TSHR: variants seen among roughly 807,000 people sequenced by gnomAD.
The protein encoded by TSHR is thyrotropin receptor.
A neutral mutation model predicts 64.1 loss-of-function variants in TSHR; 51 were observed. The observed-to-expected ratio is 0.80, with a 90% CI of 0.64 to 1.01. The LOEUF is 1.01. Among genes scored for constraint, TSHR ranks in the 50% least tolerant of loss-of-function variants. The pLI, the probability that TSHR is intolerant of heterozygous loss-of-function variation, is 0.00. For synonymous variants in TSHR, 361 were observed against 361.9 expected (o/e 1.00, Z 0.03); for missense variants, 877 against 942.8 (o/e 0.93, Z 0.91).
chr14:81,066,583 C>T (rs1475258843), intron 2 of TSHR, among the ~76,000 whole-genome samples: 1 of 152,208 alleles, frequency 6.6e-6, no homozygotes, highest in Non-Finnish European at 1.5e-5. Context: ...ACAATCAGCA[C>T]TCCTCTTGTA....
intron 1 of TSHR, among the ~76,000 whole-genome samples, chr14:80,960,050 G>A (rs549011341): frequency 6.6e-6 from 1 of 152,226 alleles, no homozygotes; most frequent in Non-Finnish European, 1.5e-5. Flanking sequence ...GCCTACAGCT[G>A]CCTTCTCTTT....
intron 1 of TSHR, among the ~76,000 whole-genome samples, chr14:80,971,035 G>C (rs1226450295): frequency 2.0e-5 from 3 of 152,112 alleles, no homozygotes; most frequent in East Asian, 3.9e-4. Context: ...GGGTGGCCAG[G>C]TTGGTCTTGA....
chr14:81,021,293 G>T (rs1883736824), intron 1 of TSHR, among the ~76,000 whole-genome samples: 1 of 152,010 alleles, frequency 6.6e-6, no homozygotes, highest in Non-Finnish European at 1.5e-5. Context: ...CTCTGCTTAA[G>T]TGTTCCCTCC....
chr14:81,053,557 T>C (rs1885557191), intron 1 of TSHR: 1 of 152,180 alleles, frequency 6.6e-6, no homozygotes, highest in African/African-American at 2.4e-5. Context: ...GTTAAAACAC[T>C]GATAACACCA....
At chr14:81,065,106 G>T (rs1167218984) in intron 2 of TSHR, among the ~76,000 whole-genome samples, 3 of 152,070 alleles carry the variant, frequency 2.0e-5, no homozygotes, top group Non-Finnish European at 4.4e-5. Flanking sequence ...TCTCAGCAAA[G>T]CGAGAGTCCT....
chr14:80,955,940 G>T, intron 1 of TSHR, 90 bp downstream of exon 1: 1 of 1,495,508 alleles, frequency 6.7e-7, no homozygotes. Context: ...CTCAATAACA[G>T]CCCGAAGTAG....
chr14:81,002,781 C>CTTTTTTTTTTTTTTTTTT (rs1174635270), intron 1 of TSHR, among the ~76,000 whole-genome samples: 8 of 44,324 alleles, frequency 1.8e-4, no homozygotes, highest in Non-Finnish European at 2.0e-4. Context: ...CCTAATGCCT[C>CTTTTTTTTTTTTTTTTTT]TTTTTTTTTT....
At chr14:81,053,476 C>G (rs1885552564) in intron 1 of TSHR, 1 of 152,184 alleles carries the variant, frequency 6.6e-6, no homozygotes, top group Non-Finnish European at 1.5e-5. Context: ...TGCATTTCTC[C>G]AAATCCTTTA....
chr14:81,139,169 C>T (rs1891577088), intron 8 of TSHR, among the ~76,000 whole-genome samples: 1 of 152,108 alleles, frequency 6.6e-6, no homozygotes, highest in Non-Finnish European at 1.5e-5. Flanking sequence ...TCATGAATTC[C>T]CAATGTAACT....
At chr14:80,956,003 T>C in intron 1 of TSHR, 153 bp downstream of exon 1, 1 of 928,578 alleles carries the variant, frequency 1.1e-6, no homozygotes, top group Non-Finnish European at 1.7e-6. Flanking sequence ...GATGTGTGTG[T>C]GTGCTAAAAA....
chr14:81,064,882 G>A (rs1411927515), intron 2 of TSHR, among the ~76,000 whole-genome samples: 4 of 151,974 alleles, frequency 2.6e-5, no homozygotes, highest in Non-Finnish European at 5.9e-5. Context: ...AGAGGCAGGA[G>A]GGGATGAGAT....
intron 8 of TSHR, among the ~76,000 whole-genome samples, chr14:81,110,486 T>C (rs1890179203): frequency 6.6e-6 from 1 of 152,226 alleles, no homozygotes; most frequent in Non-Finnish European, 1.5e-5. Context: ...TTGCTGACAC[T>C]TTGATCTTGG....
At chr14:81,135,809 C>T (rs1891432725) in intron 8 of TSHR, among the ~76,000 whole-genome samples, 1 of 152,128 alleles carries the variant, frequency 6.6e-6, no homozygotes. Flanking sequence ...AGAGGAGCTC[C>T]TACCTTTCTG....
chr14:80,979,739 A>T (rs1414149049), intron 1 of TSHR, among the ~76,000 whole-genome samples: 1 of 152,182 alleles, frequency 6.6e-6, no homozygotes, highest in Admixed American at 6.5e-5. Flanking sequence ...CTTTCTTCTC[A>T]CTCATCCCTA....
intron 4 of TSHR, 31 bp downstream of exon 4, chr14:81,088,059 T>A: frequency 6.5e-7 from 1 of 1,538,120 alleles, no homozygotes; most frequent in South Asian, 1.1e-5. Context: ...CATCCTACTT[T>A]TCTGGGGGGA....
At chr14:81,026,972 G>T (rs540953176) in intron 1 of TSHR, among the ~76,000 whole-genome samples, 1 of 150,268 alleles carries the variant, frequency 6.7e-6, no homozygotes, top group Non-Finnish European at 1.5e-5. Flanking sequence ...GGAGGCGGAG[G>T]TTGCAGTGAG....
intron 1 of TSHR, chr14:80,983,520 A>C: frequency 7.5e-7 from 1 of 1,340,226 alleles, no homozygotes; most frequent in Non-Finnish European, 1.1e-6. Flanking sequence ...TGGTGTGGCC[A>C]TATTTATTAA....
intron 1 of TSHR, chr14:80,993,391 G>A (rs896284870): frequency 6.6e-6 from 1 of 152,060 alleles, no homozygotes; most frequent in Non-Finnish European, 1.5e-5. Context: ...ATTGATACTA[G>A]GGAAAATAAT....
chr14:81,047,772 G>A (rs1032945471), intron 1 of TSHR, among the ~76,000 whole-genome samples: 5 of 148,098 alleles, frequency 3.4e-5, no homozygotes, highest in Non-Finnish European at 7.4e-5. Flanking sequence ...TCAGCCTCCC[G>A]AGTAGCTGGG....
Sources: gnomAD v4.1 joint callset for allele counts (sites outside exome capture counted in the v4.1 genomes callset) on GRCh38, gnomAD v4.1.1 for gene constraint, MANE v1.5 for transcripts, NCBI Gene and HGNC (gene_info 2026-07-23, HGNC 2026-07-21) for gene names.